PP2D1: variants seen among roughly 807,000 people sequenced by gnomAD.
PP2D1 encodes protein phosphatase 2C-like domain-containing protein 1.
A neutral mutation model predicts 30.2 loss-of-function variants in PP2D1; 25 were observed. That is an observed-to-expected ratio of 0.83 (90% CI 0.60 to 1.16). The LOEUF (loss-of-function observed/expected upper bound fraction) is 1.16. Ranked by LOEUF, PP2D1 falls within the 50% of genes most tolerant of loss-of-function variation. The pLI is 0.00. For synonymous variants in PP2D1, 260 were observed against 258.9 expected, an observed-to-expected ratio of 1.00 and a Z score of -0.04; for missense variants, 760 against 742.4, an observed-to-expected ratio of 1.02 and a Z score of -0.28.
chr3:20,005,538 T>C (rs1697308289), intron 1 of PP2D1, among the ~76,000 whole-genome samples: 1 of 152,158 alleles, frequency 6.6e-6, no homozygotes, highest in Non-Finnish European at 1.5e-5. Context: ...GGGTACCTTT[T>C]AATGTGTTAG....
At chr3:19,983,279 T>C (rs1451721022), downstream of PP2D1, among the ~76,000 whole-genome samples, 1 of 138,402 alleles carries the variant, frequency 7.2e-6, no homozygotes, top group Non-Finnish European at 1.5e-5. Context: ...GAGGTTGCAG[T>C]GAACTGAGAT....
At chr3:19,987,163 C>T (rs898912357) in intron 2 of PP2D1, among the ~76,000 whole-genome samples, 5 of 151,924 alleles carry the variant, frequency 3.3e-5, no homozygotes, top group African/African-American at 9.7e-5. Context: ...GTAGTTTGTC[C>T]GTGGTTCAAA....
chr3:19,995,628 C>G (rs9877957), intron 2 of PP2D1, among the ~76,000 whole-genome samples: 1 of 152,096 alleles, frequency 6.6e-6, no homozygotes, highest in Non-Finnish European at 1.5e-5. Flanking sequence ...ATAACACCCA[C>G]GATAAGTGAA....
At chr3:19,989,741 G>A (rs879680093) in intron 2 of PP2D1, among the ~76,000 whole-genome samples, 1 of 152,124 alleles carries the variant, frequency 6.6e-6, no homozygotes, top group Non-Finnish European at 1.5e-5. Context: ...GCATACATAC[G>A]AATTGTACGG....
At chr3:19,990,233 C>T (rs576905305) in intron 2 of PP2D1, among the ~76,000 whole-genome samples, 1 of 151,930 alleles carries the variant, frequency 6.6e-6, no homozygotes, top group Non-Finnish European at 1.5e-5. Flanking sequence ...CAGCCTTGAC[C>T]TCCCTGGGCT....
downstream of PP2D1, among the ~76,000 whole-genome samples, chr3:19,981,439 C>T (rs1040953933): frequency 6.6e-6 from 1 of 152,014 alleles, no homozygotes; most frequent in African/African-American, 2.4e-5. Flanking sequence ...CATGTCGAAA[C>T]CCCGTCTCTA....
At chr3:19,982,926 T>C (rs901999452), downstream of PP2D1, among the ~76,000 whole-genome samples, 1 of 152,180 alleles carries the variant, frequency 6.6e-6, no homozygotes, top group Non-Finnish European at 1.5e-5. Context: ...GGTATTTGTA[T>C]CCTGACTTGT....
intron 1 of PP2D1, 95 bp from the exon 2 acceptor site, chr3:20,002,191 A>G: frequency 1.4e-6 from 1 of 724,626 alleles, no homozygotes; most frequent in Non-Finnish European, 2.2e-6. Flanking sequence ...TTGGCTCCTC[A>G]CAATCTTATA....
At position 20,001,984 on chromosome 3, in the gene PP2D1, C is replaced by G; in HGVS notation, c.136G>C (p.Val46Leu). 1 of 1,536,162 alleles carries G rather than the reference C, an allele frequency of 6.5e-7. No individual in the cohort carries two copies. The highest frequency in any genetic ancestry group is 8.7e-7 in the Non-Finnish European group (1 of 1,146,880). Reference protein sequence around the residue: ...KRFRKKKSRPVRHTKRHEEEQ... With the variant: ...KRFRKKKSRPLRHTKRHEEEQ... Reference sequence around the variant, plus strand: ...TCTTCATGGCGTTTGGTGTGTCTCACTGGTCTTGACTTTTTCTTTCTAAAA... The same window carrying G: ...TCTTCATGGCGTTTGGTGTGTCTCAGTGGTCTTGACTTTTTCTTTCTAAAA... The change falls in exon 2 of 3, where the codon GTG (valine) becomes CTG (leucine). Residue 46 changes from valine to leucine, a missense_variant. By Grantham distance (32) the Val-to-Leu change is conservative (BLOSUM62 1). Transcript: ENST00000389050.
chr3:20,007,953 A>G lies in PP2D1; in HGVS notation c.23+4097T>C, dbSNP rs183159490. On this transcript the variant is annotated intron_variant, in intron 1 of 2. Coordinates refer to ENST00000389050, the MANE Select transcript of PP2D1 (RefSeq NM_001252657.2). ...CTTTCTGCCAGATGTGGCGCTGCCA[A>G]TCTCCTTAACTCGATAGCCAGATCT... 68 of 223,356 alleles carry G rather than the reference A, an allele frequency of 3.0e-4. 1 individual carries two copies. The highest frequency in any genetic ancestry group is 1.7e-3 in the Admixed American group (42 of 24,214). 13.8% of individuals were successfully genotyped at this position (223,356 alleles called of 1,614,324 possible). A position where few individuals can be genotyped will look rare whatever the true frequency, so the allele number is the denominator to read the frequency against.
chr3:19,986,079 T>G lies in PP2D1; in HGVS notation c.1194A>C (p.Gly398=). 6.5e-7 allele frequency: 1 copy of G among 1,536,058 alleles called. No homozygotes were observed. Among genetic ancestry groups the G allele is most frequent in the Non-Finnish European group, 8.7e-7 (1 of 1,146,836 alleles). ...ATGGTTCATTTGAACTAATGACTGC[T>G]CCATTCTGAAGTATTCTTCTTCTTT... The part of the protein sequence containing the change: ...TNERRRILQN[G]AVISSNEPYG... Residue 398 remains glycine, a synonymous_variant, in exon 3 of 3, where the codon GGA becomes GGC. Transcript: ENST00000389050.
intron 2 of PP2D1, among the ~76,000 whole-genome samples, chr3:19,991,221 C>T (rs1322094351): frequency 1.3e-5 from 2 of 152,182 alleles, no homozygotes; most frequent in African/African-American, 4.8e-5. Context: ...TAGTCAGGTA[C>T]AGTGTTTCTT....
intron 2 of PP2D1, among the ~76,000 whole-genome samples, chr3:19,996,285 T>C (rs1297623627): frequency 6.6e-6 from 1 of 151,882 alleles, no homozygotes; most frequent in African/African-American, 2.4e-5. Flanking sequence ...AAACAAAAGA[T>C]CATTAGAGAC....
chr3:20,008,404 C>T (rs1697348049), intron 1 of PP2D1, among the ~76,000 whole-genome samples: 1 of 152,042 alleles, frequency 6.6e-6, no homozygotes, highest in Admixed American at 6.6e-5. Flanking sequence ...TCCGTCTCTA[C>T]TAAAAATACA....
At position 19,985,441 on chromosome 3, in the gene PP2D1, C is replaced by G; in HGVS notation, c.1832G>C (p.Arg611Thr). Residue 611 changes from arginine (R) to threonine (T), a missense_variant, in exon 3 of 3, where the codon AGA becomes ACA. Physicochemically the swap from Arg to Thr is moderately conservative, Grantham distance 71 (BLOSUM62 -1). Transcript: ENST00000389050. ...TATTACCATAACTGTAATGTTGTCT[C>G]TGGAGCCAGCCAGTAAAGCAGCATT... Reference protein sequence around the residue: ...LVNAALLAGSRDNITVMVIFL... With the variant: ...LVNAALLAGSTDNITVMVIFL... 6.5e-7 allele frequency: 1 copy of G among 1,536,004 alleles called. No individual in the cohort carries two copies. The highest frequency in any genetic ancestry group is 1.2e-5 in the South Asian group (1 of 84,062).
chr3:19,989,478 C>G (rs565984511), intron 2 of PP2D1, among the ~76,000 whole-genome samples: 2 of 152,178 alleles, frequency 1.3e-5, no homozygotes, highest in African/African-American at 4.8e-5. Context: ...ATACATAGTT[C>G]TAAAGGCTAT....
In PP2D1 at chr3:19,985,679, C is replaced by A; in HGVS notation, c.1594G>T (p.Glu532Ter). ...GAATAGTTTGAATCGGATAAATTTT[C>A]TTTGGAATTTGTAGTTGACACACGT... ...EVRVSTTNSK[E>*]NLSDSNYSKY... The change falls in exon 3 of 3, where the codon GAA (glutamate) becomes TAA (stop). Residue 532 changes from glutamate to a stop codon, truncating the protein, a stop_gained. Coordinates refer to ENST00000389050, the MANE Select transcript of PP2D1 (RefSeq NM_001252657.2). LOFTEE classifies it low-confidence loss of function (END_TRUNC). 2.6e-6 allele frequency: 4 copies of A among 1,535,738 alleles called. No individual in the cohort carries two copies. Among genetic ancestry groups the A allele is most frequent in the Non-Finnish European group, 3.5e-6 (4 of 1,146,652 alleles).
chr3:19,996,205 A>G (rs1332947434), intron 2 of PP2D1, among the ~76,000 whole-genome samples: 1 of 152,148 alleles, frequency 6.6e-6, no homozygotes, highest in African/African-American at 2.4e-5. Flanking sequence ...TAGCCTAAAC[A>G]AGAAAAAAGA....
Position 19,985,789 on chromosome 3 carries a change from A to G in PP2D1, c.1484T>C (p.Leu495Pro). 1 of 1,536,128 alleles carries G rather than the reference A, an allele frequency of 6.5e-7. No individual in the cohort carries two copies. Among genetic ancestry groups the G allele is most frequent in the Non-Finnish European group, 8.7e-7 (1 of 1,146,890 alleles). ...GTTTGGTTCACTGGTTGAAAAAAGC[A>G]GAGGCCCTTTGGATGGTGATTTGTT... ...IPNKSPSKGP[L>P]LFSTSEPNLT... Residue 495 changes from leucine to proline, a missense_variant, in exon 3 of 3, where the codon CTG becomes CCG. This residue lies in a region of PP2D1 where 369 missense variants were observed against 316.2 expected (regional missense o/e 1.17). Coordinates refer to ENST00000389050, the MANE Select transcript of PP2D1 (RefSeq NM_001252657.2).
Sources: allele counts gnomAD v4.1 joint callset (sites outside exome capture counted in the v4.1 genomes callset), GRCh38; gene constraint gnomAD v4.1.1; regional missense constraint gnomAD v4.1.1; transcripts MANE v1.5; gene names NCBI Gene and HGNC (gene_info 2026-07-23, HGNC 2026-07-21).